Variants in MAP4K4 observed in about 807,000 individuals in gnomAD.
MAP4K4 encodes HPK/GCK-like kinase HGK.
A neutral mutation model predicts 189.6 loss-of-function variants in MAP4K4; 38 were observed. The observed-to-expected ratio is 0.20, with a 90% confidence interval of 0.15 to 0.26. MAP4K4 has a LOEUF of 0.26. MAP4K4 is among the 10% of genes least tolerant of loss of function. The pLI is 1.00. For synonymous variants in MAP4K4, 610 were observed against 624.3 expected (o/e 0.98, Z 0.34); for missense variants, 1,054 against 1,726.9 (o/e 0.61, Z 6.91).
chr2:101,870,816 A>G (rs1191570003), intron 23 of MAP4K4, among the ~76,000 whole-genome samples: 1 of 152,144 alleles, frequency 6.6e-6, no homozygotes, highest in African/African-American at 2.4e-5. Context: ...GCAGTGCCAC[A>G]GTGGGAGCGG....
chr2:101,795,790 T>C (rs998667824), intron 3 of MAP4K4, among the ~76,000 whole-genome samples: 5 of 152,210 alleles, frequency 3.3e-5, no homozygotes, highest in Non-Finnish European at 7.3e-5. Flanking sequence ...TTCTTGTGTC[T>C]TGTATATCTT....
At chr2:101,853,269 CAAAT>C (rs1265932149) in intron 12 of MAP4K4, among the ~76,000 whole-genome samples, 1 of 152,022 alleles carries the variant, frequency 6.6e-6, no homozygotes, top group Non-Finnish European at 1.5e-5. Context: ...ATTTTGGAAA[CAAAT>C]AGGAAAAAGA....
intron 15 of MAP4K4, 153 bp from the exon 16 acceptor site, chr2:101,860,672 T>C: frequency 3.2e-6 from 2 of 629,210 alleles, no homozygotes; most frequent in Non-Finnish European, 5.4e-6. Context: ...CACTGCTTTA[T>C]GTACCTTCTT....
At chr2:101,886,376 T>G (rs1231859292) in intron 29 of MAP4K4, among the ~76,000 whole-genome samples, 1 of 134,592 alleles carries the variant, frequency 7.4e-6, no homozygotes. Flanking sequence ...AGTCAGAAAA[T>G]TAGAGACCTT....
chr2:101,863,424 G>A lies in MAP4K4; in HGVS notation c.1867-397G>A, dbSNP rs547007705. Among the ~76,000 whole-genome samples the A allele has an allele frequency of 7.2e-5, 11 of 152,150 alleles. No individual in the cohort carries two copies. The East Asian group carries it at 9.6e-4, about 13-fold the overall frequency. On this transcript the variant is annotated intron_variant, in intron 16 of 32. Transcript: ENST00000324219. ...GGTAGGTTTGCACATTTGGCAGTGC[G>A]CTTTATCTTACAATTTTTCTGCCTC... is the stretch of plus-strand genomic sequence containing the variant.
chr2:101,883,368 G>A (rs150848631), intron 28 of MAP4K4, among the ~76,000 whole-genome samples: 11 of 151,586 alleles, frequency 7.3e-5, no homozygotes, highest in African/African-American at 2.7e-4. Context: ...TTTTGCTCTT[G>A]TTACCCAGGC....
chr2:101,871,490 A>ACAGAGTACAGTTGT lies in MAP4K4; in HGVS notation c.2770_2771insTCAGAGTACAGTTG. ...CGAGACAAGTGTGCCTGTTTTTTCT[A>ACAGAGTACAGTTGT]CAGAGTACAGTTGACCAAAAGCGTG... On this transcript the variant is annotated splice_region_variant and splice_polypyrimidine_tract_variant and intron_variant, in intron 23 of 32. Transcript: ENST00000324219. 6.5e-7 allele frequency: 1 copy of ACAGAGTACAGTTGT among 1,529,704 alleles called. No homozygotes were observed. Among genetic ancestry groups the ACAGAGTACAGTTGT allele is most frequent in the Non-Finnish European group, 8.8e-7 (1 of 1,142,402 alleles). The allele number at this position is 1,529,704 out of a possible 1,614,324, so 94.8% of individuals were successfully genotyped here. A position where few individuals can be genotyped will look rare whatever the true frequency, so the allele number is the denominator to read the frequency against.
At chr2:101,776,579 CA>C (rs141393813) in intron 2 of MAP4K4, among the ~76,000 whole-genome samples, 2,400 of 93,606 alleles carry the variant, frequency 0.026, 108 homozygotes, top group East Asian at 0.038. Flanking sequence ...CCCACCCCCC[CA>C]CCCCCCCAAA....
chr2:101,845,809 T>C lies in MAP4K4; in HGVS notation c.1233+1498T>C, dbSNP rs528612970. Among the ~76,000 whole-genome samples, 24 of 152,330 alleles carry C rather than the reference T, an allele frequency of 1.6e-4. No homozygotes were observed. The South Asian group carries it at 5.0e-3, about 32-fold the overall frequency. The stretch of plus-strand genomic sequence containing the variant: ...CAAATTTCTCATTCATTATCATTTC[T>C]GTTTTTATTTAATTCACAGACATTA... On this transcript the variant is annotated intron_variant, in intron 12 of 32. Transcript: ENST00000324219.
Position 101,777,620 on chromosome 2 carries a change from C to T in MAP4K4, c.124-13100C>T, listed in dbSNP as rs377490591. On this transcript the variant is annotated intron_variant, in intron 2 of 32. Coordinates refer to ENST00000324219, the Ensembl canonical transcript of MAP4K4. ...TGCAACCTCCCCATCTCTCGCATTC[C>T]GTTTCCTCAGTGCTCTGCCAGGGTT... Among the ~76,000 whole-genome samples the T allele has an allele frequency of 1.1e-3, 167 of 152,318 alleles. 3 individuals are homozygous for T. The South Asian group carries it at 0.034, about 31-fold the overall frequency.
exon 14 of MAP4K4, chr2:101,859,053 C>A (rs774902440): frequency 6.2e-7 from 1 of 1,612,338 alleles, no homozygotes; most frequent in Admixed American, 1.7e-5. Context: ...CCTTCAGCAG[C>A]AGCTGCTCCA....
chr2:101,751,026 C>A (rs1034556678), intron 2 of MAP4K4, among the ~76,000 whole-genome samples: 1 of 152,154 alleles, frequency 6.6e-6, no homozygotes, highest in Admixed American at 6.5e-5. Context: ...AACACTGATA[C>A]CTGCCACTGG....
intron 2 of MAP4K4, among the ~76,000 whole-genome samples, chr2:101,747,693 C>T (rs922295020): frequency 3.9e-5 from 6 of 152,014 alleles, no homozygotes; most frequent in African/African-American, 7.2e-5. Flanking sequence ...TTTTCCCTGC[C>T]CCCCCTTCTT....
chr2:101,775,856 G>A (rs1399747711), intron 2 of MAP4K4, among the ~76,000 whole-genome samples: 2 of 152,224 alleles, frequency 1.3e-5, no homozygotes, highest in Non-Finnish European at 2.9e-5. Context: ...GAGTCAGGGT[G>A]CTTGTGTGGT....
At chr2:101,700,309 C>T (rs925210995) in intron 2 of MAP4K4, among the ~76,000 whole-genome samples, 34 of 152,224 alleles carry the variant, frequency 2.2e-4, no homozygotes, top group African/African-American at 8.2e-4. Context: ...ATTTTGGTTC[C>T]ATTCCCCGCA....
intron 2 of MAP4K4, among the ~76,000 whole-genome samples, chr2:101,705,986 A>C (rs2042105455): frequency 6.6e-6 from 1 of 152,188 alleles, no homozygotes; most frequent in African/African-American, 2.4e-5. Flanking sequence ...TATCCTATTA[A>C]ATTTAAATAA....
At chr2:101,833,036 C>T (rs939737075) in intron 7 of MAP4K4, among the ~76,000 whole-genome samples, 4 of 152,082 alleles carry the variant, frequency 2.6e-5, no homozygotes, top group African/African-American at 9.7e-5. Flanking sequence ...ACTGTTCATC[C>T]CCAACTCATG....
chr2:101,704,603 C>T (rs1268169273), intron 2 of MAP4K4, among the ~76,000 whole-genome samples: 2 of 98,222 alleles, frequency 2.0e-5, no homozygotes, highest in Admixed American at 1.3e-4. Flanking sequence ...GATGGTGTCT[C>T]GCTCTGTCGC....
intron 29 of MAP4K4, 64 bp from the exon 30 acceptor site, chr2:101,887,024 C>CAA (rs569902749): frequency 4.5e-3 from 3,826 of 842,464 alleles, no homozygotes; most frequent in East Asian, 6.5e-3. Context: ...GACTCCGTCT[C>CAA]AAAAAAAAAA....
Sources: gnomAD v4.1 joint callset for allele counts (sites outside exome capture counted in the v4.1 genomes callset) on GRCh38, gnomAD v4.1.1 for gene constraint, MANE v1.5 for transcripts, NCBI Gene and HGNC (gene_info 2026-07-23, HGNC 2026-07-21) for gene names.